ANO6: variants seen among roughly 807,000 people sequenced by gnomAD.
The protein encoded by ANO6 is anoctamin 6.
ANO6 carries 106 observed loss-of-function variants against 117.5 expected under a neutral mutation model. That is an observed-to-expected ratio of 0.90 (90% confidence interval 0.77 to 1.06). ANO6 has a LOEUF of 1.06. Among genes scored for constraint, ANO6 ranks in the 50% least tolerant of loss-of-function variants. The probability of loss-of-function intolerance (pLI) is 0.00; values close to 1 mark genes in which losing one functional copy is unlikely to be tolerated. For missense variants in ANO6, 955 were observed against 1,121.1 expected, an observed-to-expected ratio of 0.85 and a Z score of 2.12; for synonymous variants, 367 against 385.1, an observed-to-expected ratio of 0.95 and a Z score of 0.55.
At chr12:45,398,963 C>A (rs539825828) in intron 12 of ANO6, among the ~76,000 whole-genome samples, 1 of 152,088 alleles carries the variant, frequency 6.6e-6, no homozygotes, top group African/African-American at 2.4e-5. Context: ...GGGATTTATT[C>A]TTTCCACCTA....
At chr12:45,286,828 C>T (rs1365227728) in intron 1 of ANO6, among the ~76,000 whole-genome samples, 1 of 152,196 alleles carries the variant, frequency 6.6e-6, no homozygotes, top group Non-Finnish European at 1.5e-5. Context: ...GGGGTAAATA[C>T]TAGTCCCATT....
In ANO6 at chr12:45,430,897, G is replaced by T; in HGVS notation, c.*1586G>T. Reference sequence around the variant, plus strand: ...AGGTGATTTGCATCATGGTCATGCTGCATGGGCTTCACTGGGATGCTGTTA... The same window carrying T: ...AGGTGATTTGCATCATGGTCATGCTTCATGGGCTTCACTGGGATGCTGTTA... On this transcript the variant is annotated 3_prime_UTR_variant, in exon 20 of 20. Transcript: ENST00000320560. The T allele has an allele frequency of 1.0e-6, 1 of 985,418 alleles. No homozygotes were observed. Among genetic ancestry groups the T allele is most frequent in the Non-Finnish European group, 1.2e-6 (1 of 829,926 alleles). The allele number at this position is 985,418 out of a possible 1,614,324, so 61.0% of individuals were successfully genotyped here.
intron 2 of ANO6, among the ~76,000 whole-genome samples, chr12:45,316,788 T>TATATATTATACATA (rs1284303814): frequency 6.6e-6 from 1 of 151,322 alleles, no homozygotes; most frequent in East Asian, 2.0e-4. Context: ...TATTATACTA[T>TATATATTATACATA]TATAACATAT....
At chr12:45,320,689 CGTT>C (rs1468652755) in intron 2 of ANO6, among the ~76,000 whole-genome samples, 1 of 151,930 alleles carries the variant, frequency 6.6e-6, no homozygotes, top group Non-Finnish European at 1.5e-5. Flanking sequence ...ATTTCTGTCT[CGTT>C]GATCTGTCTA....
At chr12:45,277,346 A>G (rs1359539669) in intron 1 of ANO6, among the ~76,000 whole-genome samples, 1 of 152,156 alleles carries the variant, frequency 6.6e-6, no homozygotes, top group Non-Finnish European at 1.5e-5. Flanking sequence ...TCAACCTCAC[A>G]CTTTTACCCA....
At chr12:45,293,741 T>G (rs924251632) in intron 1 of ANO6, among the ~76,000 whole-genome samples, 2 of 137,502 alleles carry the variant, frequency 1.5e-5, no homozygotes, top group African/African-American at 5.6e-5. Context: ...TTTTTTTTTT[T>G]TTTTTTTTTT....
At chr12:45,240,327 C>T (rs983523977) in intron 1 of ANO6, among the ~76,000 whole-genome samples, 2 of 128,430 alleles carry the variant, frequency 1.6e-5, no homozygotes, top group Non-Finnish European at 3.3e-5. Context: ...TCTGTTTTAT[C>T]AGAGACTAGG....
chr12:45,234,229 T>C (rs1271287319), intron 1 of ANO6, among the ~76,000 whole-genome samples: 1 of 152,190 alleles, frequency 6.6e-6, no homozygotes, highest in African/African-American at 2.4e-5. Context: ...AGATTTTAAT[T>C]GTCCTGCTGT....
intron 3 of ANO6, among the ~76,000 whole-genome samples, chr12:45,338,279 G>A (rs1940883086): frequency 6.6e-6 from 1 of 152,032 alleles, no homozygotes; most frequent in Admixed American, 6.6e-5. Flanking sequence ...CTCATAAAGA[G>A]GAAGGCATGA....
At chr12:45,338,748 G>A (rs1035969021) in intron 3 of ANO6, among the ~76,000 whole-genome samples, 6 of 151,912 alleles carry the variant, frequency 3.9e-5, no homozygotes, top group African/African-American at 7.3e-5. Flanking sequence ...TTATTTTTGA[G>A]TATTACCACC....
Position 45,430,224 on chromosome 12 carries a change from C to A in ANO6, c.*913C>A. The A allele has an allele frequency of 3.0e-6, 3 of 985,308 alleles. No individual in the cohort carries two copies. The highest frequency in any genetic ancestry group is 2.4e-6 in the Non-Finnish European group (2 of 829,896). The allele number at this position is 985,308 out of a possible 1,614,324, so 61.0% of individuals were successfully genotyped here. A position where few individuals can be genotyped will look rare whatever the true frequency, so the allele number is the denominator to read the frequency against. On this transcript the variant is annotated 3_prime_UTR_variant, in exon 20 of 20. Coordinates refer to ENST00000320560, the MANE Select transcript of ANO6 (RefSeq NM_001025356.3). Reference sequence around the variant, plus strand: ...AACATAATTGTCTGGAAAAGATAAGCCCCTCAATTTTCTACCAGTTGACTT... The same window carrying A: ...AACATAATTGTCTGGAAAAGATAAGACCCTCAATTTTCTACCAGTTGACTT...
At chr12:45,391,928 G>A (rs1035088298) in intron 12 of ANO6, among the ~76,000 whole-genome samples, 27 of 152,200 alleles carry the variant, frequency 1.8e-4, no homozygotes, top group African/African-American at 5.8e-4. Context: ...TGCTCCCAGC[G>A]TGATCAACAC....
At position 45,227,879 on chromosome 12, in the gene ANO6, T is replaced by C. The variant is rs933761172; in HGVS notation, c.70+11488T>C. On this transcript the variant is annotated intron_variant, in intron 1 of 19. Coordinates refer to ENST00000320560, the MANE Select transcript of ANO6 (RefSeq NM_001025356.3). ...TGGTTGAAGAATTGCATGTGGTTTC[T>C]GCAAAGAGCAAAGCGATAATTATTG... Among the ~76,000 whole-genome samples the C allele has an allele frequency of 5.3e-5, 8 of 152,228 alleles. 1 individual carries two copies. The highest frequency in any genetic ancestry group is 1.9e-4 in the African/African-American group (8 of 41,456).
intron 9 of ANO6, among the ~76,000 whole-genome samples, chr12:45,376,159 C>G (rs1443155340): frequency 6.6e-6 from 1 of 150,616 alleles, no homozygotes; most frequent in African/African-American, 2.5e-5. Flanking sequence ...GAGATGCCAT[C>G]TCACACCAGT....
chr12:45,416,624 C>G, intron 16 of ANO6, 75 bp from the exon 17 acceptor site: 6 of 1,443,038 alleles, frequency 4.2e-6, no homozygotes, highest in Non-Finnish European at 5.8e-6. Flanking sequence ...TTGCCTTTCT[C>G]TTTCAAGAGT....
chr12:45,411,881 C>T (rs1040308741), intron 16 of ANO6, among the ~76,000 whole-genome samples: 3 of 152,226 alleles, frequency 2.0e-5, no homozygotes, highest in East Asian at 1.9e-4. Context: ...GCACCGAGCC[C>T]GATGGAGGCA....
In ANO6 at chr12:45,319,533, G is replaced by T. The variant is rs890681778; in HGVS notation, c.151-11762G>T. On this transcript the variant is annotated intron_variant, in intron 2 of 19. Transcript: ENST00000320560. ...TTTGGTTTGCCAGTATTTTATTGAG[G>T]ATTTTCACATCGATGTTCATCAGGG... 1.8e-4 allele frequency among the ~76,000 whole-genome samples: 27 copies of T among 152,164 alleles called. 1 individual carries two copies. The highest frequency in any genetic ancestry group is 6.3e-4 in the African/African-American group (26 of 41,430).
At chr12:45,295,942 A>G (rs528997847) in intron 1 of ANO6, among the ~76,000 whole-genome samples, 1 of 152,030 alleles carries the variant, frequency 6.6e-6, no homozygotes, top group East Asian at 1.9e-4. Context: ...GCTCACTGCA[A>G]CTTCAGCCTC....
In ANO6 at chr12:45,429,089, TTCTTC is replaced by T. The variant is rs761115322; in HGVS notation, c.2527-10_2527-6del. On this transcript the variant is annotated splice_polypyrimidine_tract_variant and intron_variant, in intron 19 of 19. Transcript: ENST00000320560. ...CATTTCTTTGTGAGTGACATTTTTC[TTCTTC>T]TCTTCCCCAGCACGTCATCTACTCT... 14 of 1,612,158 alleles carry T rather than the reference TTCTTC, an allele frequency of 8.7e-6. No individual in the cohort carries two copies. In the African/African-American group the frequency reaches 1.9e-4, roughly 22 times the overall value.
Sources: allele counts gnomAD v4.1 joint callset (sites outside exome capture counted in the v4.1 genomes callset), GRCh38; gene constraint gnomAD v4.1.1; transcripts MANE v1.5; gene names NCBI Gene and HGNC (gene_info 2026-07-23, HGNC 2026-07-21).